Variants in NTM observed in about 807,000 individuals in gnomAD.
NTM encodes the protein neurotrimin, also known as IgLON family member 2.
In NTM, 13 loss-of-function variants were observed where a neutral mutation model predicts 42.1. That is an observed-to-expected ratio of 0.31 (90% CI 0.20 to 0.49). NTM has a LOEUF of 0.49. NTM is among the 20% of genes least tolerant of loss of function. The pLI is 0.99. For missense variants in NTM, 373 were observed against 452.8 expected (o/e 0.82, Z 1.60); for synonymous variants, 187 against 179.2 (o/e 1.04, Z -0.35).
At chr11:131,927,693 A>C (rs563895382) in intron 2 of NTM, among the ~76,000 whole-genome samples, 2 of 152,320 alleles carry the variant, frequency 1.3e-5, no homozygotes, top group African/African-American at 4.8e-5. Context: ...CAAATGTGGG[A>C]TACTTGATAG....
intron 1 of NTM, among the ~76,000 whole-genome samples, chr11:131,760,183 G>A (rs1248092801): frequency 6.6e-6 from 1 of 152,206 alleles, no homozygotes; most frequent in Non-Finnish European, 1.5e-5. Flanking sequence ...CACTGGAAGT[G>A]TTGATAGAGG....
intron 2 of NTM, among the ~76,000 whole-genome samples, chr11:131,973,595 TC>T (rs2063873698): frequency 6.6e-6 from 1 of 152,188 alleles, no homozygotes; most frequent in Non-Finnish European, 1.5e-5. Flanking sequence ...AGTGGGCAGA[TC>T]ACCTGAGGTC....
At chr11:131,473,730 C>T (rs1952660781) in intron 1 of NTM, among the ~76,000 whole-genome samples, 1 of 152,094 alleles carries the variant, frequency 6.6e-6, no homozygotes. Flanking sequence ...CCTGTTCCCT[C>T]TGTTTATTTC....
At chr11:131,878,721 T>A (rs2048987226) in intron 1 of NTM, among the ~76,000 whole-genome samples, 1 of 150,244 alleles carries the variant, frequency 6.7e-6, no homozygotes, top group Non-Finnish European at 1.5e-5. Flanking sequence ...GTCATAGCCA[T>A]TGCCATTTTT....
At chr11:132,265,412 C>T (rs1017101195) in intron 4 of NTM, among the ~76,000 whole-genome samples, 4 of 152,166 alleles carry the variant, frequency 2.6e-5, no homozygotes, top group African/African-American at 9.7e-5. Flanking sequence ...CGCTAAAGTT[C>T]ATTTCTGGTC....
Position 132,159,620 on chromosome 11 carries a change from C to T in NTM, c.400+13106C>T, listed in dbSNP as rs78297324. Among the ~76,000 whole-genome samples the T allele has an allele frequency of 2.9e-3, 439 of 152,224 alleles. 1 individual carries two copies. Among genetic ancestry groups the T allele is most frequent in the African/African-American group, 0.01 (430 of 41,538 alleles). On this transcript the variant is annotated intron_variant, in intron 3 of 8. Transcript: ENST00000683400. ...AGCTATTTGAAAGCAGAAAGGAGAA[C>T]AGGTTCAGAGGATACCAAAACCGGA...
At chr11:131,748,510 T>A (rs2082095445) in intron 1 of NTM, among the ~76,000 whole-genome samples, 2 of 152,240 alleles carry the variant, frequency 1.3e-5, no homozygotes, top group South Asian at 4.1e-4. Flanking sequence ...GATCTATTCA[T>A]TCTCCTTTAA....
intron 3 of NTM, among the ~76,000 whole-genome samples, chr11:132,183,699 A>G (rs1478263392): frequency 6.6e-6 from 1 of 152,140 alleles, no homozygotes; most frequent in East Asian, 1.9e-4. Context: ...GAAACTTTAG[A>G]CTCACCAACT....
intron 1 of NTM, among the ~76,000 whole-genome samples, chr11:131,750,148 CTCTAAG>C (rs1186307373): frequency 1.3e-5 from 2 of 152,232 alleles, no homozygotes; most frequent in African/African-American, 4.8e-5. Context: ...TATCATTTCT[CTCTAAG>C]TCTGTCTTTC....
intron 2 of NTM, among the ~76,000 whole-genome samples, chr11:131,951,284 C>A (rs1027809216): frequency 1.5e-4 from 23 of 152,118 alleles, no homozygotes; most frequent in Non-Finnish European, 2.9e-5. Flanking sequence ...TGGCCTTGAG[C>A]CTTCTCGGCA....
intron 1 of NTM, among the ~76,000 whole-genome samples, chr11:131,623,553 C>A (rs2062788343): frequency 6.6e-6 from 1 of 152,170 alleles, no homozygotes; most frequent in Admixed American, 6.5e-5. Context: ...AATGAAAATT[C>A]ATTTGGATAG....
intron 1 of NTM, among the ~76,000 whole-genome samples, chr11:131,847,816 A>G (rs1366154204): frequency 6.6e-6 from 1 of 152,216 alleles, no homozygotes; most frequent in Non-Finnish European, 1.5e-5. Context: ...ACATGCATAT[A>G]AGGAAGTCCT....
chr11:131,543,404 A>G (rs1389591554), intron 1 of NTM, among the ~76,000 whole-genome samples: 1 of 152,198 alleles, frequency 6.6e-6, no homozygotes, highest in African/African-American at 2.4e-5. Flanking sequence ...GCAACGGTAC[A>G]TATCCCTAAC....
chr11:131,954,885 A>G (rs948299188), intron 2 of NTM, among the ~76,000 whole-genome samples: 2 of 152,152 alleles, frequency 1.3e-5, no homozygotes, highest in African/African-American at 4.8e-5. Flanking sequence ...TTCATTAAAT[A>G]TTTTATGTTA....
At chr11:132,302,188 G>T (rs1381593296) in intron 4 of NTM, among the ~76,000 whole-genome samples, 2 of 152,160 alleles carry the variant, frequency 1.3e-5, no homozygotes, top group African/African-American at 2.4e-5. Flanking sequence ...TGCTTCGGTT[G>T]TCGTATTCCA....
At chr11:131,442,266 C>T (rs528540645) in intron 1 of NTM, among the ~76,000 whole-genome samples, 2 of 152,272 alleles carry the variant, frequency 1.3e-5, no homozygotes, top group South Asian at 4.2e-4. Context: ...GTGGTTGAGA[C>T]TGAGACTCAC....
intron 1 of NTM, chr11:131,582,411 A>T (rs2058488200): frequency 6.6e-6 from 1 of 152,120 alleles, no homozygotes; most frequent in African/African-American, 2.4e-5. Flanking sequence ...CTTTTTTTAG[A>T]CCCATAGCAG....
chr11:131,857,777 C>T (rs987167048), intron 1 of NTM, among the ~76,000 whole-genome samples: 4 of 152,086 alleles, frequency 2.6e-5, no homozygotes, highest in African/African-American at 9.7e-5. Flanking sequence ...TTATTGTCTC[C>T]TAACTTGTCT....
intron 2 of NTM, among the ~76,000 whole-genome samples, chr11:132,112,718 T>TACACACACACACAC (rs61630313): frequency 8.2e-4 from 116 of 142,156 alleles, no homozygotes; most frequent in African/African-American, 3.4e-4. Context: ...ACTGCACACT[T>TACACACACACACAC]ACACACACAC....
Sources: gnomAD v4.1 joint callset for allele counts (sites outside exome capture counted in the v4.1 genomes callset) on GRCh38, gnomAD v4.1.1 for gene constraint, MANE v1.5 for transcripts, NCBI Gene and HGNC (gene_info 2026-07-23, HGNC 2026-07-21) for gene names.